The following C3orf70 variants were observed in gnomAD, a reference collection of about 807,000 sequenced individuals.
The protein encoded by C3orf70 is chromosome 3 open reading frame 70.
C3orf70 carries 15 observed loss-of-function variants against 20.7 expected under a neutral mutation model. The observed-to-expected ratio is 0.72, with a 90% CI of 0.48 to 1.11. The LOEUF is 1.11. Ranked by LOEUF, C3orf70 falls within the 50% of genes most tolerant of loss-of-function variation. C3orf70 has a pLI of 0.00. For missense variants in C3orf70, 332 were observed against 317.6 expected, an observed-to-expected ratio of 1.05 and a Z score of -0.34; for synonymous variants, 161 against 125.7, an observed-to-expected ratio of 1.28 and a Z score of -1.88.
At chr3:185,105,543 A>C (rs1715916171) in intron 1 of C3orf70, among the ~76,000 whole-genome samples, 1 of 152,206 alleles carries the variant, frequency 6.6e-6, no homozygotes, top group South Asian at 2.1e-4. Context: ...AACAATGCTA[A>C]TGGCTGGCTT....
intron 1 of C3orf70, among the ~76,000 whole-genome samples, chr3:185,141,832 ACAC>A (rs990668739): frequency 1.3e-4 from 20 of 150,462 alleles, no homozygotes; most frequent in African/African-American, 4.6e-4. Context: ...ACACACACAC[ACAC>A]ATTTCCTAAA....
intron 1 of C3orf70, among the ~76,000 whole-genome samples, chr3:185,092,400 C>CTTCCATAAA (rs1319291361): frequency 2.0e-5 from 3 of 152,052 alleles, no homozygotes; most frequent in African/African-American, 4.8e-5. Flanking sequence ...GATTCAGTTG[C>CTTCCATAAA]TTCCATAAAC....
intron 1 of C3orf70, among the ~76,000 whole-genome samples, chr3:185,139,246 A>T (rs942401728): frequency 6.6e-6 from 1 of 151,706 alleles, no homozygotes; most frequent in Admixed American, 6.6e-5. Context: ...GACGAGAGAA[A>T]AAGTGGGAAA....
intron 1 of C3orf70, among the ~76,000 whole-genome samples, chr3:185,099,835 A>G (rs915840692): frequency 3.3e-5 from 5 of 152,214 alleles, no homozygotes; most frequent in Admixed American, 2.6e-4. Flanking sequence ...ATGCAATGAC[A>G]CCTACAGGCT....
At chr3:185,090,955 C>T (rs570283598) in intron 1 of C3orf70, among the ~76,000 whole-genome samples, 2 of 152,252 alleles carry the variant, frequency 1.3e-5, no homozygotes, top group East Asian at 3.9e-4. Flanking sequence ...TGTGGCGGAA[C>T]ATATTGTAAA....
chr3:185,096,558 T>C (rs2108590890), intron 1 of C3orf70, among the ~76,000 whole-genome samples: 1 of 152,300 alleles, frequency 6.6e-6, no homozygotes, highest in Non-Finnish European at 1.5e-5. Context: ...ATGGACAGAA[T>C]TGCTTTACAG....
At chr3:185,099,108 T>A (rs924224127) in intron 1 of C3orf70, among the ~76,000 whole-genome samples, 2 of 152,242 alleles carry the variant, frequency 1.3e-5, no homozygotes, top group African/African-American at 2.4e-5. Flanking sequence ...TGACCAATTT[T>A]AATTTTAAGA....
At chr3:185,092,702 T>C (rs1409902048) in intron 1 of C3orf70, among the ~76,000 whole-genome samples, 2 of 152,112 alleles carry the variant, frequency 1.3e-5, no homozygotes, top group East Asian at 3.9e-4. Flanking sequence ...TTAGAAATTA[T>C]ATATTTGGGG....
At chr3:185,117,739 C>T (rs1486163167) in intron 1 of C3orf70, among the ~76,000 whole-genome samples, 1 of 152,190 alleles carries the variant, frequency 6.6e-6, no homozygotes, top group East Asian at 1.9e-4. Flanking sequence ...ACAAGGCTTT[C>T]CATGATCTTG....
At chr3:185,109,665 A>G (rs1306776593) in intron 1 of C3orf70, among the ~76,000 whole-genome samples, 1 of 152,200 alleles carries the variant, frequency 6.6e-6, no homozygotes. Flanking sequence ...TTCCTTCAAC[A>G]AGGGCTGACA....
rs1461818373 is a variant in C3orf70 at position 185,152,898 on chromosome 3, G to A, written c.-75C>T. ...GTCTGGGTGGGCAGGAAGCCGAGCC[G>A]GCTGCGGACGCGGGAGGGCGCGGCA... On this transcript the variant is annotated 5_prime_UTR_variant, in exon 1 of 2. Transcript: ENST00000335012. 2.1e-5 allele frequency: 28 copies of A among 1,329,802 alleles called. No individual in the cohort carries two copies. Among genetic ancestry groups the A allele is most frequent in the Non-Finnish European group, 2.9e-6 (3 of 1,023,016 alleles). 82.4% of individuals were successfully genotyped at this position (1,329,802 alleles called of 1,614,324 possible). A position where few individuals can be genotyped will look rare whatever the true frequency, so the allele number is the denominator to read the frequency against.
chr3:185,092,865 C>T (rs1209570509), intron 1 of C3orf70, among the ~76,000 whole-genome samples: 1 of 152,048 alleles, frequency 6.6e-6, no homozygotes, highest in Non-Finnish European at 1.5e-5. Context: ...GTGGCACATG[C>T]CTGTAATCCC....
chr3:185,100,093 C>T (rs1169732317), intron 1 of C3orf70, among the ~76,000 whole-genome samples: 1 of 152,204 alleles, frequency 6.6e-6, no homozygotes, highest in East Asian at 1.9e-4. Flanking sequence ...GACTTCCACA[C>T]AAGAATAGTG....
At chr3:185,088,747 T>C (rs549312342) in intron 1 of C3orf70, among the ~76,000 whole-genome samples, 1 of 152,354 alleles carries the variant, frequency 6.6e-6, no homozygotes, top group East Asian at 1.9e-4. Context: ...AATATCCTGT[T>C]TGTCACCATA....
chr3:185,096,155 T>G (rs1715697088), intron 1 of C3orf70, among the ~76,000 whole-genome samples: 1 of 152,142 alleles, frequency 6.6e-6, no homozygotes, highest in South Asian at 2.1e-4. Flanking sequence ...TTTTTTTCTT[T>G]AATAATTACC....
At chr3:185,109,419 G>A (rs555693620) in intron 1 of C3orf70, among the ~76,000 whole-genome samples, 17 of 152,280 alleles carry the variant, frequency 1.1e-4, no homozygotes, top group Admixed American at 3.9e-4. Context: ...GCCAGATGCC[G>A]AGGAAGAGAT....
chr3:185,091,777 C>T, intron 1 of C3orf70, among the ~76,000 whole-genome samples: 1 of 148,768 alleles, frequency 6.7e-6, no homozygotes. Flanking sequence ...CTCCGCCTCC[C>T]AGGTTCAAGC....
At chr3:185,093,145 T>C (rs1301211346) in intron 1 of C3orf70, among the ~76,000 whole-genome samples, 3 of 152,200 alleles carry the variant, frequency 2.0e-5, no homozygotes, top group African/African-American at 7.2e-5. Context: ...TGCTGATATC[T>C]GGATTTCAGT....
intron 1 of C3orf70, among the ~76,000 whole-genome samples, chr3:185,107,342 ACAATG>A (rs1160641347): frequency 1.3e-5 from 2 of 152,224 alleles, no homozygotes; most frequent in African/African-American, 4.8e-5. Flanking sequence ...ATTTATTACA[ACAATG>A]GGGAGCACAA....
Sources: allele counts gnomAD v4.1 joint callset (sites outside exome capture counted in the v4.1 genomes callset), GRCh38; gene constraint gnomAD v4.1.1; transcripts MANE v1.5; gene names NCBI Gene and HGNC (gene_info 2026-07-23, HGNC 2026-07-21).